Variants in KIDINS220 observed in about 807,000 individuals in gnomAD.
KIDINS220 encodes the protein kinase D-interacting substrate of 220 kDa.
Under a neutral mutation model 157.6 loss-of-function variants are expected in KIDINS220, and 63 were observed. The ratio of observed to expected loss-of-function variants is 0.40; its 90% CI spans 0.33 to 0.49. The LOEUF (loss-of-function observed/expected upper bound fraction) is 0.49. Among genes scored for constraint, KIDINS220 ranks in the 20% least tolerant of loss-of-function variants. KIDINS220 has a pLI of 0.66. For synonymous variants in KIDINS220, 732 were observed against 783.6 expected, an observed-to-expected ratio of 0.93 and a Z score of 1.10; for missense variants, 1,772 against 2,171.2, an observed-to-expected ratio of 0.82 and a Z score of 3.65.
chr2:8,758,695 T>C (rs1324601049), intron 22 of KIDINS220, among the ~76,000 whole-genome samples: 1 of 152,156 alleles, frequency 6.6e-6, no homozygotes. Context: ...TGTACGCATT[T>C]ACAGCCATAA....
intron 12 of KIDINS220, among the ~76,000 whole-genome samples, chr2:8,791,977 T>C (rs551535575): frequency 1.1e-4 from 16 of 152,266 alleles, no homozygotes; most frequent in Non-Finnish European, 1.8e-4. Flanking sequence ...GGAACTCATA[T>C]AGGATATTAA....
At chr2:8,784,054 G>A (rs914759566) in intron 17 of KIDINS220, among the ~76,000 whole-genome samples, 3 of 152,006 alleles carry the variant, frequency 2.0e-5, no homozygotes, top group Non-Finnish European at 2.9e-5. Context: ...TGTGGTATGC[G>A]CAAACGAACA....
Position 8,817,683 on chromosome 2 carries a change from C to T in KIDINS220, c.241G>A (p.Glu81Lys), listed in dbSNP as rs757496682. ...NWTALISASK[E>K]GHVHIVEELL... The stretch of plus-strand genomic sequence containing the variant: ...TCCTCTACGATGTGCACATGCCCTT[C>T]TTTCGATGCAGATATAAGTGCTGTC... Residue 81 changes from glutamate to lysine, a missense_variant, in exon 4 of 30, where the codon GAA becomes AAA. Physicochemically the swap from Glu to Lys is moderately conservative, Grantham distance 56. This residue lies in a region of KIDINS220 where 254 missense variants were observed against 268.6 expected (regional missense o/e 0.95). Coordinates refer to ENST00000256707, the MANE Select transcript of KIDINS220 (RefSeq NM_020738.4). The T allele has an allele frequency of 4.4e-6, 7 of 1,607,952 alleles. No individual in the cohort carries two copies. The highest frequency in any genetic ancestry group is 5.9e-6 in the Non-Finnish European group (7 of 1,176,598).
chr2:8,824,407 A>ATC (rs1163288331), intron 2 of KIDINS220, among the ~76,000 whole-genome samples: 1 of 152,226 alleles, frequency 6.6e-6, no homozygotes, highest in Non-Finnish European at 1.5e-5. Flanking sequence ...TACGTCAGGC[A>ATC]TGATGCCTCA....
rs564005827 is a variant in KIDINS220, at chr2:8,814,584, C to G, written c.307-1249G>C. Among the ~76,000 whole-genome samples the G allele has an allele frequency of 2.6e-5, 4 of 152,254 alleles. No homozygotes were observed. In the East Asian group the frequency reaches 7.7e-4, roughly 29 times the overall value. Reference sequence around the variant, plus strand: ...ATTAATGTACAACATATGAGGGAAACAGAAAATCATCATTACACCACCACA... The same window carrying G: ...ATTAATGTACAACATATGAGGGAAAGAGAAAATCATCATTACACCACCACA... On this transcript the variant is annotated intron_variant, in intron 4 of 29. Coordinates refer to ENST00000256707, the MANE Select transcript of KIDINS220 (RefSeq NM_020738.4).
chr2:8,731,248 A>G lies in KIDINS220; in HGVS notation c.4788T>C (p.Asn1596=), dbSNP rs1486761852. 1 of 1,614,056 alleles carries G rather than the reference A, an allele frequency of 6.2e-7. No individual in the cohort carries two copies. Among genetic ancestry groups the G allele is most frequent in the Admixed American group, 1.7e-5 (1 of 60,014 alleles). The change falls in exon 30 of 30, where the codon AAT becomes AAC. Residue 1596 remains asparagine (N), a synonymous_variant. Coordinates refer to ENST00000256707, the MANE Select transcript of KIDINS220 (RefSeq NM_020738.4). This position sits in a 1 kb window ranked among gnomAD's most constrained non-coding sequence, Gnocchi z 5.2. ...CCGCCACTTCATTGTGCAGAGAGTGATTGGGAGAACTTTCACTGGATCTCA... is the reference window on the plus strand; with the variant it reads ...CCGCCACTTCATTGTGCAGAGAGTGGTTGGGAGAACTTTCACTGGATCTCA... ...SGVRSSESSP[N]HSLHNEVADD...
chr2:8,730,618 T>C lies in KIDINS220; in HGVS notation c.*102A>G. Reference sequence around the variant, plus strand: ...TCGGCCTCATCATCGGTTAGTTATCTGTCAGCAAAATGTAGAAAGGTGATG... The same window carrying C: ...TCGGCCTCATCATCGGTTAGTTATCCGTCAGCAAAATGTAGAAAGGTGATG... On this transcript the variant is annotated 3_prime_UTR_variant, in exon 30 of 30. Transcript: ENST00000256707. 2 of 1,470,950 alleles carry C rather than the reference T, an allele frequency of 1.4e-6. No individual in the cohort carries two copies. Among genetic ancestry groups the C allele is most frequent in the Middle Eastern group, 1.8e-4 (1 of 5,544 alleles). The allele number at this position is 1,470,950 out of a possible 1,614,324, so 91.1% of individuals were successfully genotyped here.
At chr2:8,755,396 G>A (rs1157101967) in intron 22 of KIDINS220, among the ~76,000 whole-genome samples, 3 of 152,118 alleles carry the variant, frequency 2.0e-5, no homozygotes, top group African/African-American at 4.8e-5. Flanking sequence ...AATCTAGACT[G>A]GAAATTCCAT....
chr2:8,762,225 T>C (rs1466511658), intron 22 of KIDINS220, among the ~76,000 whole-genome samples: 1 of 152,254 alleles, frequency 6.6e-6, no homozygotes, highest in East Asian at 1.9e-4. Context: ...GAATGTTCTA[T>C]ATACTTTTTC....
At chr2:8,734,855 C>A in intron 27 of KIDINS220, 102 bp from the exon 28 acceptor site, 1 of 775,426 alleles carries the variant, frequency 1.3e-6, no homozygotes, top group Non-Finnish European at 2.0e-6. Flanking sequence ...TTAAATAAGT[C>A]TCTAGAGACC....
chr2:8,731,434 A>G lies in KIDINS220; in HGVS notation c.4602T>C (p.Thr1534=). 1.2e-6 allele frequency: 2 copies of G among 1,614,048 alleles called. No individual in the cohort carries two copies. Among genetic ancestry groups the G allele is most frequent in the Non-Finnish European group, 1.7e-6 (2 of 1,180,008 alleles). The change falls in exon 30 of 30, where the codon ACT becomes ACC. Residue 1534 remains threonine (T), a synonymous_variant. Coordinates refer to ENST00000256707, the MANE Select transcript of KIDINS220 (RefSeq NM_020738.4). The surrounding 1 kb of genome is among the most constrained non-coding windows in gnomAD (Gnocchi z 5.2). ...DESGTEESDN[T]PLLKDDKDRK... The stretch of plus-strand genomic sequence containing the variant: ...TGTCTTTGTCATCTTTGAGCAGTGG[A>G]GTGTTATCTGATTCTTCTGTGCCAG...
chr2:8,729,102 C>T lies in KIDINS220; in HGVS notation c.*1618G>A. The stretch of plus-strand genomic sequence containing the variant: ...CTAATTATACAATTTTGCAAATAAG[C>T]ACTATAAATGTTAAAATGTTAAGAC... On this transcript the variant is annotated 3_prime_UTR_variant, in exon 30 of 30. Coordinates refer to ENST00000256707, the MANE Select transcript of KIDINS220 (RefSeq NM_020738.4). The T allele has an allele frequency of 5.1e-6, 5 of 984,238 alleles. No homozygotes were observed. The highest frequency in any genetic ancestry group is 6.0e-6 in the Non-Finnish European group (5 of 828,498). 61.0% of individuals were successfully genotyped at this position (984,238 alleles called of 1,614,324 possible).
chr2:8,753,632 A>T (rs1435175361), intron 22 of KIDINS220, among the ~76,000 whole-genome samples: 12 of 152,248 alleles, frequency 7.9e-5, no homozygotes, highest in Admixed American at 7.9e-4. Context: ...CTGTTAGATT[A>T]TACTAAGTGA....
chr2:8,772,525 A>G (rs1558389583), intron 21 of KIDINS220, among the ~76,000 whole-genome samples: 1 of 152,158 alleles, frequency 6.6e-6, no homozygotes, highest in African/African-American at 2.4e-5. Context: ...TTCTATCCTA[A>G]GAATATATCT....
intron 1 of KIDINS220, among the ~76,000 whole-genome samples, chr2:8,829,620 TAGA>T (rs924715253): frequency 1.3e-5 from 2 of 152,170 alleles, no homozygotes; most frequent in African/African-American, 4.8e-5. Flanking sequence ...ATGCTCATGA[TAGA>T]AGAAGTGAGG....
chr2:8,729,376 C>T lies in KIDINS220; in HGVS notation c.*1344G>A, dbSNP rs1663721426. 3 of 985,428 alleles carry T rather than the reference C, an allele frequency of 3.0e-6. No homozygotes were observed. The highest frequency in any genetic ancestry group is 3.6e-6 in the Non-Finnish European group (3 of 829,928). The allele number at this position is 985,428 out of a possible 1,614,324, so 61.0% of individuals were successfully genotyped here. A position where few individuals can be genotyped will look rare whatever the true frequency, so the allele number is the denominator to read the frequency against. On this transcript the variant is annotated 3_prime_UTR_variant, in exon 30 of 30. Transcript: ENST00000256707. ...CTGAATCTAGATAATAGCGCATCTG[C>T]GATCTCACCATCTACCGTCCTAACT...
intron 3 of KIDINS220, among the ~76,000 whole-genome samples, chr2:8,818,127 T>C (rs1400350197): frequency 6.6e-6 from 1 of 152,234 alleles, no homozygotes; most frequent in Non-Finnish European, 1.5e-5. Context: ...TCTCATATGA[T>C]GTGTTTAGAA....
At chr2:8,782,120 T>A (rs1055382574) in intron 17 of KIDINS220, among the ~76,000 whole-genome samples, 3 of 151,120 alleles carry the variant, frequency 2.0e-5, no homozygotes, top group African/African-American at 7.3e-5. Flanking sequence ...TCTCAAAAAA[T>A]AAATAAATAA....
chr2:8,737,261 A>G, intron 26 of KIDINS220: 1 of 285,510 alleles, frequency 3.5e-6, no homozygotes, highest in Non-Finnish European at 6.6e-6. Flanking sequence ...AACAAAGCCT[A>G]GGTCAACTTC....
Sources: allele counts gnomAD v4.1 joint callset (sites outside exome capture counted in the v4.1 genomes callset), GRCh38; gene constraint gnomAD v4.1.1; regional missense constraint gnomAD v4.1.1; non-coding constraint Gnocchi (gnomAD v3.1); transcripts MANE v1.5; gene names NCBI Gene and HGNC (gene_info 2026-07-23, HGNC 2026-07-21).